The following FANK1 variants were observed in gnomAD, a reference collection of about 807,000 sequenced individuals.
FANK1 encodes the protein fibronectin type 3 and ankyrin repeat domains protein 1.
FANK1 carries 44 observed loss-of-function variants against 45.3 expected under a neutral mutation model. The ratio of observed to expected loss-of-function variants is 0.97; its 90% CI spans 0.76 to 1.25. The LOEUF is 1.25. Ranked by LOEUF, FANK1 falls within the 50% of genes most tolerant of loss-of-function variation. FANK1 has a pLI of 0.00. For synonymous variants in FANK1, 149 were observed against 152.5 expected (o/e 0.98, Z 0.17); for missense variants, 391 against 424.4 (o/e 0.92, Z 0.69).
rs1951335145 is a variant in FANK1, at chr10:125,983,223, C to A, written c.191+2885C>A. ...CCTCTCACCCTATTCTTTCTTCTGC[C>A]CTGGTCAGATTTTACCTCCACTGAG... On this transcript the variant is annotated intron_variant, in intron 2 of 10. Transcript: ENST00000368693. The surrounding 1 kb of genome is among the most constrained non-coding windows in gnomAD (Gnocchi z 4.3). Among the ~76,000 whole-genome samples, 1 of 152,042 alleles carries A rather than the reference C, an allele frequency of 6.6e-6. No homozygotes were observed. Among genetic ancestry groups the A allele is most frequent in the South Asian group, 2.1e-4 (1 of 4,816 alleles).
At chr10:126,008,717 G>C (rs1393605278) in intron 8 of FANK1, among the ~76,000 whole-genome samples, 167 bp downstream of exon 8, 1 of 152,216 alleles carries the variant, frequency 6.6e-6, no homozygotes, top group Non-Finnish European at 1.5e-5. Flanking sequence ...GCTGTCACTA[G>C]AATACTTTCG....
rs186482091 is a variant in FANK1, at chr10:125,936,324, C to T, written c.13+39669C>T. ...TTTCATTCCTTAACTGAAATTTAAA[C>T]ATAACTTTTTATAGAAATAAAAAGG... On this transcript the variant is annotated intron_variant, in intron 1 of 10. Transcript: ENST00000368693. Among the ~76,000 whole-genome samples, 671 of 148,878 alleles carry T rather than the reference C, an allele frequency of 4.5e-3. 18 individuals are homozygous for T. The highest frequency in any genetic ancestry group is 7.1e-3 in the East Asian group (36 of 5,036).
chr10:125,944,612 G>T (rs1037267217), intron 1 of FANK1, among the ~76,000 whole-genome samples: 5 of 152,194 alleles, frequency 3.3e-5, no homozygotes, highest in Non-Finnish European at 7.3e-5. Flanking sequence ...AAGGTTGTGG[G>T]TTTACAGGAA....
intron 1 of FANK1, among the ~76,000 whole-genome samples, chr10:125,970,413 C>T (rs1007424248): frequency 6.6e-6 from 1 of 152,140 alleles, no homozygotes; most frequent in Non-Finnish European, 1.5e-5. Flanking sequence ...ACGCTCCTCA[C>T]TTCCTAGACG....
At position 125,937,600 on chromosome 10, in the gene FANK1, C is replaced by T. The variant is rs562964085; in HGVS notation, c.13+40945C>T. On this transcript the variant is annotated intron_variant, in intron 1 of 10. Transcript: ENST00000368693. Reference sequence around the variant, plus strand: ...CTATGGTATGGACAATGGAGTACCACGCAACTATATTAAAAAATAAATAGG... The same window carrying T: ...CTATGGTATGGACAATGGAGTACCATGCAACTATATTAAAAAATAAATAGG... Among the ~76,000 whole-genome samples the T allele has an allele frequency of 9.2e-5, 14 of 152,026 alleles. No individual in the cohort carries two copies. The East Asian group carries it at 1.2e-3, about 13-fold the overall frequency.
chr10:126,004,303 A>G (rs943631825), intron 6 of FANK1: 2 of 151,060 alleles, frequency 1.3e-5, no homozygotes, highest in African/African-American at 2.4e-5. Flanking sequence ...TGGACTTTGG[A>G]TGTTTTAAAA....
intron 1 of FANK1, among the ~76,000 whole-genome samples, chr10:125,964,798 C>T (rs1238940396): frequency 6.6e-6 from 1 of 152,218 alleles, no homozygotes; most frequent in African/African-American, 2.4e-5. Context: ...GCCTTGCCAA[C>T]TTGTTTTCCA....
intron 1 of FANK1, among the ~76,000 whole-genome samples, chr10:125,902,804 A>G (rs1945157295): frequency 1.3e-5 from 2 of 152,306 alleles, no homozygotes; most frequent in Admixed American, 1.3e-4. Context: ...AGGATTTAAA[A>G]GTAATTTTTT....
intron 1 of FANK1, among the ~76,000 whole-genome samples, chr10:125,952,619 A>G (rs1005013088): frequency 1.3e-5 from 2 of 151,988 alleles, no homozygotes; most frequent in Non-Finnish European, 2.9e-5. Flanking sequence ...CCAGCAGCTC[A>G]GGTGTCATCT....
rs73370562 is a variant in FANK1 at position 125,988,884 on chromosome 10, A to G, written c.316+209A>G. On this transcript the variant is annotated intron_variant, in intron 3 of 10. Coordinates refer to ENST00000368693, the MANE Select transcript of FANK1 (RefSeq NM_145235.5). ...TATGCTTTCACAAACTGGGAGAGCT[A>G]TTTTTGTGCCAGAACTGTCCTGTTA... 4.0e-6 allele frequency: 3 copies of G among 758,462 alleles called. No homozygotes were observed. In the East Asian group the frequency reaches 8.5e-5, roughly 22 times the overall value. 47.0% of individuals were successfully genotyped at this position (758,462 alleles called of 1,614,324 possible).
At chr10:125,984,965 T>C (rs1951459560) in intron 2 of FANK1, among the ~76,000 whole-genome samples, 1 of 152,228 alleles carries the variant, frequency 6.6e-6, no homozygotes, top group Non-Finnish European at 1.5e-5. Context: ...TTGTAATCGC[T>C]GTAGAGTACC....
At chr10:125,942,703 TC>T (rs1398489783) in intron 1 of FANK1, among the ~76,000 whole-genome samples, 2 of 152,308 alleles carry the variant, frequency 1.3e-5, no homozygotes, top group African/African-American at 2.4e-5. Context: ...GTTATATTTT[TC>T]ATTTTACTAA....
At chr10:125,980,016 T>C (rs574120389) in intron 1 of FANK1, 145 bp from the exon 2 acceptor site, 72 of 790,214 alleles carry the variant, frequency 9.1e-5, no homozygotes, top group Non-Finnish European at 1.3e-4. Flanking sequence ...TTTCAGGGGT[T>C]CTTTAAGCAA....
chr10:125,903,816 C>A (rs7474918), intron 1 of FANK1, among the ~76,000 whole-genome samples: 64,321 of 151,644 alleles, frequency 0.42, 13,658 homozygotes, highest in Admixed American at 0.45. Flanking sequence ...CTCTCTCTCT[C>A]TATATATAAA....
At chr10:125,953,050 C>T (rs1949355408) in intron 1 of FANK1, among the ~76,000 whole-genome samples, 1 of 152,184 alleles carries the variant, frequency 6.6e-6, no homozygotes, top group Admixed American at 6.5e-5. Flanking sequence ...CTTGCATGTG[C>T]ATTGGAATGA....
intron 1 of FANK1, among the ~76,000 whole-genome samples, chr10:125,966,198 G>A (rs933006644): frequency 5.3e-5 from 8 of 152,072 alleles, no homozygotes; most frequent in South Asian, 2.1e-4. Flanking sequence ...GCAACTTTTG[G>A]GCAGTTTGCA....
intron 8 of FANK1, among the ~76,000 whole-genome samples, 182 bp from the exon 9 acceptor site, chr10:126,008,872 C>T (rs1480407628): frequency 2.6e-5 from 4 of 152,242 alleles, no homozygotes; most frequent in Non-Finnish European, 4.4e-5. Flanking sequence ...TCCATTTTCT[C>T]TGGAGTTGCT....
At position 126,009,149 on chromosome 10, in the gene FANK1, T is replaced by TA; in HGVS notation, c.927+19dup. 6.2e-7 allele frequency: 1 copy of TA among 1,614,186 alleles called. No homozygotes were observed. On this transcript the variant is annotated intron_variant, in intron 9 of 10. Coordinates refer to ENST00000368693, the MANE Select transcript of FANK1 (RefSeq NM_145235.5). ...AAAATGAGGTAAATGAGTCCATCTT[T>TA]ATGTAAAGATTTTCCTCGGAGGGGG...
intron 2 of FANK1, among the ~76,000 whole-genome samples, chr10:125,984,903 G>A (rs1014902400): frequency 2.0e-5 from 3 of 152,130 alleles, no homozygotes; most frequent in East Asian, 3.8e-4. Context: ...GTAAAGTTGC[G>A]CTTCTCCATG....
Sources: allele counts gnomAD v4.1 joint callset (sites outside exome capture counted in the v4.1 genomes callset), GRCh38; gene constraint gnomAD v4.1.1; non-coding constraint Gnocchi (gnomAD v3.1); transcripts MANE v1.5; gene names NCBI Gene and HGNC (gene_info 2026-07-23, HGNC 2026-07-21).